Variants in ZNF362 observed in about 807,000 individuals in gnomAD.
The protein encoded by ZNF362 is rotund homolog.
ZNF362 carries 11 observed loss-of-function variants against 42.9 expected under a neutral mutation model. The ratio of observed to expected loss-of-function variants is 0.26; its 90% CI spans 0.16 to 0.42. ZNF362 has a LOEUF of 0.42. ZNF362 is among the 20% of genes least tolerant of loss of function. The probability of loss-of-function intolerance (pLI) is 1.00; values close to 1 mark genes in which losing one functional copy is unlikely to be tolerated. For synonymous variants in ZNF362, 255 were observed against 257.3 expected (o/e 0.99, Z 0.09); for missense variants, 362 against 576.2 (o/e 0.63, Z 3.81).
At chr1:33,144,127 T>C in the ZNF362 span, among the ~76,000 whole-genome samples, 10 of 89,690 alleles carry the variant, frequency 1.1e-4, no homozygotes, top group Admixed American at 1.5e-3. Flanking sequence ...TCCGCTTTAA[T>C]GTTACTTCTT....
the ZNF362 span, among the ~76,000 whole-genome samples, chr1:33,189,671 A>ATATATATATATG: frequency 5.7e-5 from 6 of 105,042 alleles, no homozygotes; most frequent in African/African-American, 1.8e-4. Flanking sequence ...ATATATATAT[A>ATATATATATATG]TGTATATATA....
chr1:33,188,030 T>C, the ZNF362 span, among the ~76,000 whole-genome samples: 1 of 152,004 alleles, frequency 6.6e-6, no homozygotes, highest in Non-Finnish European at 1.5e-5. Context: ...AGTCAGGAGT[T>C]TGAGACCAGC....
Position 33,299,150 on chromosome 1 carries a change from C to A in ZNF362, c.*104C>A. On this transcript the variant is annotated 3_prime_UTR_variant, in exon 9 of 9. Coordinates refer to ENST00000539719, the MANE Select transcript of ZNF362 (RefSeq NM_152493.3). Reference sequence around the variant, plus strand: ...GGCCCTCCAGGAACCACCAAGCTCTCTCACGACCTTCCCAATCTTCCAGAA... The same window carrying A: ...GGCCCTCCAGGAACCACCAAGCTCTATCACGACCTTCCCAATCTTCCAGAA... 1.2e-6 allele frequency: 1 copy of A among 839,864 alleles called. No homozygotes were observed. Among genetic ancestry groups the A allele is most frequent in the South Asian group, 1.5e-5 (1 of 67,086 alleles). 52.0% of individuals were successfully genotyped at this position (839,864 alleles called of 1,614,324 possible). A position where few individuals can be genotyped will look rare whatever the true frequency, so the allele number is the denominator to read the frequency against.
intron 2 of ZNF362, among the ~76,000 whole-genome samples, chr1:33,273,804 G>A (rs1645923328): frequency 6.6e-6 from 1 of 152,198 alleles, no homozygotes; most frequent in Admixed American, 6.5e-5. Context: ...GAATGCCAGT[G>A]GGCACAGAAG....
At chr1:33,149,454 C>CT in the ZNF362 span, among the ~76,000 whole-genome samples, 6 of 134,836 alleles carry the variant, frequency 4.4e-5, no homozygotes, top group South Asian at 2.6e-4. Context: ...GTGCTGGATT[C>CT]TTTTAAAAAA....
chr1:33,183,883 A>G, the ZNF362 span, among the ~76,000 whole-genome samples: 2 of 152,154 alleles, frequency 1.3e-5, no homozygotes, highest in African/African-American at 4.8e-5. Context: ...AGGATATGTG[A>G]GATGGTCCAT....
the ZNF362 span, among the ~76,000 whole-genome samples, chr1:33,235,764 G>A: frequency 1.3e-5 from 2 of 152,188 alleles, no homozygotes; most frequent in Non-Finnish European, 2.9e-5. Context: ...GACCTAACAG[G>A]ATTCTTGCTG....
chr1:33,250,605 G>C, the ZNF362 span, among the ~76,000 whole-genome samples: 4 of 152,234 alleles, frequency 2.6e-5, no homozygotes, highest in Admixed American at 6.5e-5. Context: ...GGGGGAGGGA[G>C]AGCATCAGGA....
chr1:33,181,420 G>T, the ZNF362 span: 1 of 1,598,620 alleles, frequency 6.3e-7, no homozygotes. The surrounding 1 kb of genome is among the most constrained non-coding windows in gnomAD (Gnocchi z 6.5). Context: ...TCGTCCTTGA[G>T]GCTGCACGCC....
At chr1:33,189,716 T>C in the ZNF362 span, among the ~76,000 whole-genome samples, 334 of 128,166 alleles carry the variant, frequency 2.6e-3, 25 homozygotes, top group East Asian at 0.041. Context: ...TACGTATATA[T>C]ATACATACAC....
chr1:33,223,908 A>G, the ZNF362 span, among the ~76,000 whole-genome samples: 5 of 151,802 alleles, frequency 3.3e-5, no homozygotes, highest in African/African-American at 1.2e-4. Flanking sequence ...AAAAAAAAAA[A>G]AAGAAAAAAG....
At chr1:33,174,011 T>A in the ZNF362 span, among the ~76,000 whole-genome samples, 2 of 152,048 alleles carry the variant, frequency 1.3e-5, no homozygotes, top group African/African-American at 2.4e-5. Flanking sequence ...AGCCTCTTTT[T>A]AAAAAAAATT....
At chr1:33,158,906 T>A in the ZNF362 span, among the ~76,000 whole-genome samples, 2 of 151,996 alleles carry the variant, frequency 1.3e-5, no homozygotes, top group Non-Finnish European at 2.9e-5. Flanking sequence ...AATGGCGCGA[T>A]CTCAGCTCAC....
At chr1:33,250,824 G>T in the ZNF362 span, among the ~76,000 whole-genome samples, 2 of 145,264 alleles carry the variant, frequency 1.4e-5, no homozygotes, top group African/African-American at 5.1e-5. Context: ...AAGAAGAGAA[G>T]AAGAAAAGAA....
At chr1:33,153,016 A>G in the ZNF362 span, among the ~76,000 whole-genome samples, 1 of 110,286 alleles carries the variant, frequency 9.1e-6, no homozygotes, top group Non-Finnish European at 1.7e-5. Context: ...GAGCTTCCTA[A>G]TGTTAGGCTG....
In ZNF362 at chr1:33,270,502, CAG is replaced by C; in HGVS notation, c.-70_-69del. ...CATATACAAGGTGCTGTTGGGAACA[CAG>C]AGGAAGTGACTGGCTGGGGGTTCAG... On this transcript the variant is annotated 5_prime_UTR_variant, in exon 2 of 9. Coordinates refer to ENST00000539719, the MANE Select transcript of ZNF362 (RefSeq NM_152493.3). 2 of 839,998 alleles carry C rather than the reference CAG, an allele frequency of 2.4e-6. No individual in the cohort carries two copies. The highest frequency in any genetic ancestry group is 1.9e-5 in the Admixed American group (1 of 52,854). The allele number at this position is 839,998 out of a possible 1,614,324, so 52.0% of individuals were successfully genotyped here. A position where few individuals can be genotyped will look rare whatever the true frequency, so the allele number is the denominator to read the frequency against.
At chr1:33,258,441 G>A (rs1645808366) in intron 1 of ZNF362, among the ~76,000 whole-genome samples, 1 of 152,198 alleles carries the variant, frequency 6.6e-6, no homozygotes, top group South Asian at 2.1e-4. Flanking sequence ...AGAGTCGGGG[G>A]TTGAAAGCTG....
intron 8 of ZNF362, 59 bp from the exon 9 acceptor site, chr1:33,298,871 A>T (rs1646143950): frequency 6.8e-7 from 1 of 1,464,480 alleles, no homozygotes; most frequent in Admixed American, 1.7e-5. Flanking sequence ...TGGGAACTGC[A>T]GCCTCTTCTC....
chr1:33,265,319 T>G (rs1570384480), intron 1 of ZNF362, among the ~76,000 whole-genome samples: 3 of 145,088 alleles, frequency 2.1e-5, no homozygotes, highest in South Asian at 2.2e-4. Context: ...AGGTTGAGGG[T>G]GTTGGGGAGG....
Sources: gnomAD v4.1 joint callset for allele counts (sites outside exome capture counted in the v4.1 genomes callset) on GRCh38, gnomAD v4.1.1 for gene constraint, Gnocchi (gnomAD v3.1) non-coding constraint, MANE v1.5 for transcripts, NCBI Gene and HGNC (gene_info 2026-07-23, HGNC 2026-07-21) for gene names.